Variants in IL4I1 observed in about 807,000 individuals in gnomAD.
IL4I1 encodes L-amino-acid oxidase.
In IL4I1, 24 loss-of-function variants were observed where a neutral mutation model predicts 29.7. That is an observed-to-expected ratio of 0.81 (90% CI 0.59 to 1.14). IL4I1 has a LOEUF of 1.14. Among genes scored for constraint, IL4I1 ranks in the 50% most tolerant of loss-of-function variants. The probability of loss-of-function intolerance (pLI) is 0.00; values close to 1 mark genes in which losing one functional copy is unlikely to be tolerated. For missense variants in IL4I1, 686 were observed against 785.6 expected (o/e 0.87, Z 1.52); for synonymous variants, 371 against 352.5 (o/e 1.05, Z -0.59).
At chr19:49,909,158 G>C (rs752431497) in intron 2 of IL4I1, 6 of 1,613,368 alleles carry the variant, frequency 3.7e-6, no homozygotes, top group Non-Finnish European at 4.2e-6. Flanking sequence ...GCTGGGCCCA[G>C]TGCTGGTGAT....
rs545187175 is a variant in IL4I1 at position 49,894,727 on chromosome 19, G to C, written c.366-258C>G. Among the ~76,000 whole-genome samples the C allele has an allele frequency of 7.2e-5, 11 of 151,834 alleles. No individual in the cohort carries two copies. The South Asian group carries it at 2.3e-3, about 32-fold the overall frequency. ...CAGATTAGAATTGGGAAGGGGGACA[G>C]AGTTTGGGTTGGACGGGGGTTTGAG... On this transcript the variant is annotated intron_variant, in intron 4 of 7. Transcript: ENST00000391826.
intron 2 of IL4I1, among the ~76,000 whole-genome samples, chr19:49,920,915 T>C (rs1433581808): frequency 1.3e-5 from 2 of 151,776 alleles, no homozygotes; most frequent in Non-Finnish European, 2.9e-5. Context: ...GGAGAGGCAG[T>C]GATGTTGGTG....
At chr19:49,913,895 G>C (rs996143729) in intron 2 of IL4I1, among the ~76,000 whole-genome samples, 1 of 152,200 alleles carries the variant, frequency 6.6e-6, no homozygotes, top group South Asian at 2.1e-4. Context: ...GGGTGTGGGG[G>C]ATGAACCGTA....
At chr19:49,907,512 C>T in intron 2 of IL4I1, 1 of 438,044 alleles carries the variant, frequency 2.3e-6, no homozygotes, top group Non-Finnish European at 4.5e-6. Flanking sequence ...CACTCGAAAA[C>T]TAGGCTGCTG....
Position 49,909,030 on chromosome 19 carries a change from C to T in IL4I1, c.-227-4709G>A, listed in dbSNP as rs199595285. On this transcript the variant is annotated intron_variant, in intron 2 of 9. Transcript: ENST00000341114. ...GAGGTGCCGGAAGCTGCTCCAGGTG[C>T]CTTTAAGCTGAAGCCCTGTGTCCCA... The T allele has an allele frequency of 8.7e-6, 14 of 1,613,020 alleles. No individual in the cohort carries two copies. The Admixed American group carries it at 2.3e-4, about 27-fold the overall frequency.
At chr19:49,890,787 G>C (rs1054043205) in intron 7 of IL4I1, among the ~76,000 whole-genome samples, 184 bp downstream of exon 7, 4 of 151,276 alleles carry the variant, frequency 2.6e-5, no homozygotes, top group Non-Finnish European at 5.9e-5. Context: ...TGTGTCACCA[G>C]GGACCCCACC....
intron 2 of IL4I1, among the ~76,000 whole-genome samples, chr19:49,914,623 C>G (rs756698416): frequency 3.9e-5 from 6 of 152,014 alleles, no homozygotes; most frequent in African/African-American, 1.2e-4. Context: ...GGGCATATCC[C>G]ACCCCCATCT....
At chr19:49,890,641 T>C (rs1379231940) in intron 7 of IL4I1, 41 bp from the exon 8 acceptor site, 1 of 1,444,442 alleles carries the variant, frequency 6.9e-7, no homozygotes, top group East Asian at 2.5e-5. Context: ...TGACCTGGGC[T>C]CTGCGGCCCT....
At chr19:49,922,419 G>C (rs565485735) in intron 2 of IL4I1, among the ~76,000 whole-genome samples, 35 of 152,168 alleles carry the variant, frequency 2.3e-4, no homozygotes, top group Non-Finnish European at 1.5e-5. Flanking sequence ...CTGCTCCCCA[G>C]AAACACTGTC....
intron 5 of IL4I1, among the ~76,000 whole-genome samples, chr19:49,892,664 T>C (rs1446833642): frequency 6.6e-6 from 1 of 152,194 alleles, no homozygotes; most frequent in Non-Finnish European, 1.5e-5. Flanking sequence ...CCCCATCTAA[T>C]TTCAGCCTTC....
rs759560737 is a variant in IL4I1 at position 49,908,415 on chromosome 19, C to T, written c.-227-4094G>A. The T allele has an allele frequency of 3.0e-5, 49 of 1,614,012 alleles. No homozygotes were observed. The highest frequency in any genetic ancestry group is 1.9e-4 in the African/African-American group (14 of 74,936). On this transcript the variant is annotated intron_variant, in intron 2 of 9. Transcript: ENST00000341114. ...TGCTGCAGTGGGTCACTGGTGTCGG[C>T]GGGGGCCCCGGACGTGTTCAGGTGC...
intron 2 of IL4I1, among the ~76,000 whole-genome samples, chr19:49,919,932 A>T (rs569025895): frequency 2.9e-3 from 429 of 149,960 alleles, no homozygotes; most frequent in Admixed American, 6.5e-3. Context: ...TTAAAAAAAA[A>T]TTTTTTTTTT....
intron 2 of IL4I1, chr19:49,907,430 G>T: frequency 1.4e-5 from 6 of 413,948 alleles, no homozygotes; most frequent in South Asian, 1.0e-4. Context: ...TCTTGATCCC[G>T]CTCTGTTCTA....
chr19:49,894,148 A>G, intron 5 of IL4I1, 120 bp downstream of exon 5: 1 of 888,106 alleles, frequency 1.1e-6, no homozygotes, highest in South Asian at 1.6e-5. Flanking sequence ...CTCCACCAAC[A>G]GGCGCCCCAC....
At chr19:49,901,969 G>C in intron 3 of IL4I1, 1 of 288,656 alleles carries the variant, frequency 3.5e-6, no homozygotes, top group Non-Finnish European at 6.4e-6. Context: ...CCTCTCACTG[G>C]ATTTATTTTA....
Position 49,895,838 on chromosome 19 carries a change from C to T in IL4I1, c.229G>A (p.Val77Met). Residue 77 changes from valine (V) to methionine (M), a missense_variant, in exon 3 of 8, where the codon GTG (valine) becomes ATG (methionine). Transcript: ENST00000391826. ...ACCTTGTGTCCAGCATCGCTGAGCA[C>T]CTTGGCGGCCACCAGCCCGGCCACA... ...AGVAGLVAAK[V>M]LSDAGHKVTI... The T allele has an allele frequency of 5.0e-6, 8 of 1,614,148 alleles. No homozygotes were observed. Among genetic ancestry groups the T allele is most frequent in the Non-Finnish European group, 6.8e-6 (8 of 1,180,028 alleles).
chr19:49,911,594 G>C (rs2075464497), intron 2 of IL4I1, among the ~76,000 whole-genome samples: 1 of 152,060 alleles, frequency 6.6e-6, no homozygotes, highest in African/African-American at 2.4e-5. Context: ...AGGCCCCTAA[G>C]TTTTGTTTCG....
chr19:49,904,395 G>A (rs945936609), intron 2 of IL4I1: 10 of 152,312 alleles, frequency 6.6e-5, no homozygotes, highest in African/African-American at 2.4e-4. Context: ...ATGCTGCTGC[G>A]ATCTCGGGAT....
chr19:49,923,339 T>A (rs1255907391), intron 2 of IL4I1, among the ~76,000 whole-genome samples: 3 of 152,210 alleles, frequency 2.0e-5, no homozygotes, highest in Non-Finnish European at 4.4e-5. Flanking sequence ...TCACATTCGC[T>A]GGCCTCTGTG....
Sources: allele counts gnomAD v4.1 joint callset (sites outside exome capture counted in the v4.1 genomes callset), GRCh38; gene constraint gnomAD v4.1.1; transcripts MANE v1.5; gene names NCBI Gene and HGNC (gene_info 2026-07-23, HGNC 2026-07-21).